SP140L: variants seen among roughly 807,000 people sequenced by gnomAD.
SP140L encodes SP140 like nuclear body protein.
A neutral mutation model predicts 84.3 loss-of-function variants in SP140L; 64 were observed. The observed-to-expected ratio is 0.76, with a 90% CI of 0.62 to 0.94. The LOEUF is 0.94. Ranked by LOEUF, SP140L falls within the 40% of genes least tolerant of loss-of-function variation. The pLI, the probability that SP140L is intolerant of heterozygous loss-of-function variation, is 0.00. For missense variants in SP140L, 628 were observed against 692.5 expected, an observed-to-expected ratio of 0.91 and a Z score of 1.05; for synonymous variants, 242 against 236.9, an observed-to-expected ratio of 1.02 and a Z score of -0.20.
chr2:230,361,351 C>T (rs1000949839), intron 4 of SP140L, among the ~76,000 whole-genome samples: 1 of 152,190 alleles, frequency 6.6e-6, no homozygotes, highest in Non-Finnish European at 1.5e-5. Flanking sequence ...CCTACCCTGC[C>T]ATCTGACAAT....
intron 11 of SP140L, among the ~76,000 whole-genome samples, chr2:230,391,235 A>C (rs2061791585): frequency 6.6e-6 from 1 of 152,220 alleles, no homozygotes; most frequent in Non-Finnish European, 1.5e-5. Flanking sequence ...GTGTATATTC[A>C]AGAAAGGAAT....
intron 9 of SP140L, among the ~76,000 whole-genome samples, chr2:230,386,611 TGA>T: frequency 6.6e-6 from 1 of 152,210 alleles, no homozygotes; most frequent in Non-Finnish European, 1.5e-5. Context: ...CACTTGATTC[TGA>T]GAGTAAAACA....
intron 5 of SP140L, among the ~76,000 whole-genome samples, chr2:230,362,216 G>A (rs1354839232): frequency 6.6e-6 from 1 of 152,166 alleles, no homozygotes; most frequent in African/African-American, 2.4e-5. Flanking sequence ...CTTTCCAAAA[G>A]TCACCTTATT....
chr2:230,371,979 A>G (rs1004376350), intron 7 of SP140L: 1 of 281,668 alleles, frequency 3.6e-6, no homozygotes, highest in East Asian at 9.0e-5. Context: ...AAATGTGACT[A>G]TGGAAGAGTC....
At chr2:230,335,298 G>A (rs924326974) in intron 2 of SP140L, among the ~76,000 whole-genome samples, 4 of 152,070 alleles carry the variant, frequency 2.6e-5, no homozygotes, top group African/African-American at 9.7e-5. Context: ...TAATCTACTT[G>A]TCAGTGTTTC....
intron 2 of SP140L, among the ~76,000 whole-genome samples, chr2:230,332,656 A>G (rs567573106): frequency 6.6e-6 from 1 of 152,362 alleles, no homozygotes; most frequent in Admixed American, 6.5e-5. Flanking sequence ...ATCTTTCCCA[A>G]AAATAACTAT....
chr2:230,339,889 A>G (rs2059987756), intron 2 of SP140L, among the ~76,000 whole-genome samples: 1 of 148,514 alleles, frequency 6.7e-6, no homozygotes, highest in African/African-American at 2.5e-5. Flanking sequence ...GTTCTTTTAC[A>G]TTTGCTGAGG....
At chr2:230,392,467 A>C (rs1029954551) in intron 12 of SP140L, among the ~76,000 whole-genome samples, 1 of 152,168 alleles carries the variant, frequency 6.6e-6, no homozygotes, top group Admixed American at 6.5e-5. Flanking sequence ...AGGAAAGGGT[A>C]ATTCTGACTA....
chr2:230,344,829 T>C (rs770688791), intron 2 of SP140L, among the ~76,000 whole-genome samples: 20 of 152,260 alleles, frequency 1.3e-4, no homozygotes, highest in East Asian at 9.6e-4. Context: ...ACAGAATTTA[T>C]GAATTCTCTG....
At chr2:230,354,093 T>G (rs1294585576) in intron 2 of SP140L, among the ~76,000 whole-genome samples, 1 of 152,174 alleles carries the variant, frequency 6.6e-6, no homozygotes, top group Non-Finnish European at 1.5e-5. Flanking sequence ...CATTTGGAAT[T>G]TCCCCCCATT....
At chr2:230,391,323 T>C (rs1230037886) in intron 11 of SP140L, among the ~76,000 whole-genome samples, 1 of 152,230 alleles carries the variant, frequency 6.6e-6, no homozygotes, top group Non-Finnish European at 1.5e-5. Context: ...TGCACTATTC[T>C]ATATTCCCAC....
At chr2:230,331,298 A>G (rs1225654369) in intron 2 of SP140L, among the ~76,000 whole-genome samples, 3 of 152,180 alleles carry the variant, frequency 2.0e-5, no homozygotes, top group African/African-American at 7.2e-5. Context: ...TGCCTAATTT[A>G]TGTATAGATG....
chr2:230,343,046 T>A (rs1377055382), intron 2 of SP140L, among the ~76,000 whole-genome samples: 3 of 152,130 alleles, frequency 2.0e-5, no homozygotes, highest in African/African-American at 7.2e-5. Context: ...ATCCCATAAG[T>A]TTTGGTGTGT....
At chr2:230,343,794 CAT>C (rs1399912828) in intron 2 of SP140L, among the ~76,000 whole-genome samples, 1 of 152,116 alleles carries the variant, frequency 6.6e-6, no homozygotes, top group African/African-American at 2.4e-5. Context: ...GATAATATCT[CAT>C]GTGGTTTTGA....
intron 2 of SP140L, among the ~76,000 whole-genome samples, chr2:230,341,905 C>G (rs2060055891): frequency 6.6e-6 from 1 of 152,054 alleles, no homozygotes; most frequent in African/African-American, 2.4e-5. Context: ...AGCTGTCAGA[C>G]AGGGACATTT....
At chr2:230,371,377 G>A (rs1559437038) in intron 6 of SP140L, among the ~76,000 whole-genome samples, 1 of 152,120 alleles carries the variant, frequency 6.6e-6, no homozygotes, top group Non-Finnish European at 1.5e-5. Context: ...AAGACTGCAG[G>A]TCTACTCTTA....
chr2:230,344,204 C>T (rs2060144683), intron 2 of SP140L, among the ~76,000 whole-genome samples: 1 of 152,142 alleles, frequency 6.6e-6, no homozygotes. Context: ...CTGGGTGCTC[C>T]TGTATTGGGT....
intron 2 of SP140L, among the ~76,000 whole-genome samples, chr2:230,350,877 C>A (rs767052004): frequency 1.6e-4 from 24 of 151,970 alleles, no homozygotes; most frequent in Admixed American, 1.3e-3. Flanking sequence ...TATATCTATG[C>A]TAGGCAGAAG....
intron 7 of SP140L, chr2:230,371,987 G>A (rs2149768065): frequency 3.7e-6 from 1 of 269,988 alleles, no homozygotes; most frequent in Non-Finnish European, 7.1e-6. Flanking sequence ...CTATGGAAGA[G>A]TCATCAGAAA....
Sources: gnomAD v4.1 joint callset for allele counts (sites outside exome capture counted in the v4.1 genomes callset) on GRCh38, gnomAD v4.1.1 for gene constraint, MANE v1.5 for transcripts, NCBI Gene and HGNC (gene_info 2026-07-23, HGNC 2026-07-21) for gene names.